Variants in CCSER1 observed in about 807,000 individuals in gnomAD.
CCSER1 encodes serine-rich coiled-coil domain-containing protein 1.
Under a neutral mutation model 82.0 loss-of-function variants are expected in CCSER1, and 41 were observed. The observed-to-expected ratio is 0.50, with a 90% CI of 0.39 to 0.65. The LOEUF is 0.65. Among genes scored for constraint, CCSER1 ranks in the 30% least tolerant of loss-of-function variants. The pLI is 0.00. For synonymous variants in CCSER1, 414 were observed against 383.9 expected, an observed-to-expected ratio of 1.08 and a Z score of -0.92; for missense variants, 1,119 against 1,064.2, an observed-to-expected ratio of 1.05 and a Z score of -0.72.
intron 5 of CCSER1, among the ~76,000 whole-genome samples, chr4:90,512,206 T>C (rs926517262): frequency 1.3e-4 from 20 of 151,890 alleles, no homozygotes; most frequent in African/African-American, 4.8e-4. Flanking sequence ...GGCTTTTCTT[T>C]CCCACCTCTC....
At position 91,015,238 on chromosome 4, in the gene CCSER1, A is replaced by G. The variant is rs1010027524; in HGVS notation, c.2173-70712A>G. 3.9e-5 allele frequency: 6 copies of G among 152,208 alleles called. No homozygotes were observed. The South Asian group carries it at 6.2e-4, about 16-fold the overall frequency. The allele number at this position is 152,208 out of a possible 1,614,324, so 9.4% of individuals were successfully genotyped here. ...GTAGATTACATGCAAGGAAAGTTCT[A>G]TGTGCTTTATTATATTAGTACAAGT... On this transcript the variant is annotated intron_variant, in intron 9 of 10. Coordinates refer to ENST00000509176, the MANE Select transcript of CCSER1 (RefSeq NM_001145065.2).
At chr4:91,318,620 A>T (rs1489910449) in intron 10 of CCSER1, among the ~76,000 whole-genome samples, 2 of 152,060 alleles carry the variant, frequency 1.3e-5, no homozygotes, top group East Asian at 3.9e-4. Flanking sequence ...TCAATATCTT[A>T]TGGCAGCTCA....
intron 9 of CCSER1, among the ~76,000 whole-genome samples, chr4:91,056,203 G>C (rs1291652929): frequency 6.6e-6 from 1 of 151,702 alleles, no homozygotes; most frequent in Non-Finnish European, 1.5e-5. Flanking sequence ...CATTTTTGTT[G>C]GTTTGTTTTT....
chr4:91,520,568 C>A (rs1218533710), intron 10 of CCSER1, among the ~76,000 whole-genome samples: 1 of 152,112 alleles, frequency 6.6e-6, no homozygotes, highest in African/African-American at 2.4e-5. Context: ...AGCAAAAACA[C>A]ATTTTTTACT....
At chr4:90,792,457 G>A (rs930113744) in intron 7 of CCSER1, among the ~76,000 whole-genome samples, 4 of 151,550 alleles carry the variant, frequency 2.6e-5, no homozygotes, top group Admixed American at 1.3e-4. Context: ...TGTTATTCAC[G>A]CTGTCCTTTC....
At chr4:91,496,167 A>G (rs894111899) in intron 10 of CCSER1, among the ~76,000 whole-genome samples, 7 of 151,488 alleles carry the variant, frequency 4.6e-5, no homozygotes, top group African/African-American at 1.7e-4. Context: ...GCAGTACCTC[A>G]GACATTTTTA....
chr4:91,458,162 T>A (rs1012840181), intron 10 of CCSER1, among the ~76,000 whole-genome samples: 1 of 152,054 alleles, frequency 6.6e-6, no homozygotes, highest in Admixed American at 6.6e-5. Context: ...CCATCTTGAG[T>A]TTGTTTTTGT....
At chr4:90,433,978 TATC>T (rs1758671444) in intron 4 of CCSER1, among the ~76,000 whole-genome samples, 2 of 151,962 alleles carry the variant, frequency 1.3e-5, no homozygotes, top group South Asian at 4.1e-4. Context: ...TTAGGATTGT[TATC>T]ATCTTTAAGT....
chr4:91,324,805 G>C (rs1393581350), intron 10 of CCSER1, among the ~76,000 whole-genome samples: 3 of 151,988 alleles, frequency 2.0e-5, no homozygotes, highest in African/African-American at 7.2e-5. Context: ...GTGTAGTATT[G>C]AGCATCTTTG....
intron 1 of CCSER1, among the ~76,000 whole-genome samples, chr4:90,138,606 A>G (rs996062895): frequency 6.6e-6 from 1 of 152,260 alleles, no homozygotes; most frequent in African/African-American, 2.4e-5. Context: ...AGCAAGAAGC[A>G]GTGGCACAGG....
At chr4:91,391,463 A>C (rs1334544430) in intron 10 of CCSER1, among the ~76,000 whole-genome samples, 1 of 151,804 alleles carries the variant, frequency 6.6e-6, no homozygotes, top group Non-Finnish European at 1.5e-5. Context: ...ACCACGCCTC[A>C]CTAATTTTTT....
At chr4:91,083,583 C>CA (rs879616880) in intron 9 of CCSER1, among the ~76,000 whole-genome samples, 5 of 150,958 alleles carry the variant, frequency 3.3e-5, no homozygotes, top group African/African-American at 9.7e-5. Context: ...AAAATAAAAA[C>CA]AAAAAAACTA....
At chr4:91,224,235 T>C (rs952676732) in intron 10 of CCSER1, among the ~76,000 whole-genome samples, 6 of 152,070 alleles carry the variant, frequency 3.9e-5, no homozygotes, top group African/African-American at 9.7e-5. Flanking sequence ...TCTACCTTTA[T>C]CTACTGTGCT....
intron 9 of CCSER1, among the ~76,000 whole-genome samples, chr4:90,960,116 A>C (rs185900811): frequency 2.6e-5 from 4 of 152,326 alleles, no homozygotes; most frequent in African/African-American, 4.8e-5. Flanking sequence ...TAGAATGGAA[A>C]GATACCTGAA....
chr4:90,429,419 T>C (rs763384348), intron 4 of CCSER1, among the ~76,000 whole-genome samples: 13 of 151,814 alleles, frequency 8.6e-5, no homozygotes, highest in African/African-American at 3.1e-4. Context: ...TTGAGGAATT[T>C]CCGCATGTAA....
intron 10 of CCSER1, among the ~76,000 whole-genome samples, chr4:91,586,204 AATT>A (rs1300015391): frequency 2.0e-5 from 3 of 151,756 alleles, no homozygotes; most frequent in African/African-American, 7.2e-5. Flanking sequence ...GACATGATGC[AATT>A]ATTATGAGTT....
intron 10 of CCSER1, among the ~76,000 whole-genome samples, chr4:91,463,790 G>A (rs80217218): frequency 6.6e-6 from 1 of 152,196 alleles, no homozygotes; most frequent in Admixed American, 6.5e-5. Flanking sequence ...GAAGTGGGAA[G>A]AGAAGTTTAG....
chr4:91,588,355 T>G (rs1429660961), intron 10 of CCSER1, among the ~76,000 whole-genome samples: 11 of 151,678 alleles, frequency 7.3e-5, no homozygotes, highest in Admixed American at 2.0e-4. Context: ...TTTGAAAAAT[T>G]GCTATTATTA....
At chr4:90,964,480 C>T (rs1052309979) in intron 9 of CCSER1, among the ~76,000 whole-genome samples, 1 of 151,156 alleles carries the variant, frequency 6.6e-6, no homozygotes, top group Admixed American at 6.6e-5. Context: ...TAATCCCACA[C>T]TTTGGGAGGC....
Sources: allele counts gnomAD v4.1 joint callset (sites outside exome capture counted in the v4.1 genomes callset), GRCh38; gene constraint gnomAD v4.1.1; transcripts MANE v1.5; gene names NCBI Gene and HGNC (gene_info 2026-07-23, HGNC 2026-07-21).